The following TOX2 variants were observed in gnomAD, a reference collection of about 807,000 sequenced individuals.
TOX2 encodes the protein TOX high mobility group box family member 2.
TOX2 carries 15 observed loss-of-function variants against 47.4 expected under a neutral mutation model. The ratio of observed to expected loss-of-function variants is 0.32; its 90% confidence interval spans 0.21 to 0.49. TOX2 has a LOEUF of 0.49. Among genes scored for constraint, TOX2 ranks in the 20% least tolerant of loss-of-function variants. The probability of loss-of-function intolerance (pLI) is 0.99; values close to 1 mark genes in which losing one functional copy is unlikely to be tolerated. For missense variants in TOX2, 622 were observed against 673.1 expected (o/e 0.92, Z 0.84); for synonymous variants, 290 against 296.6 (o/e 0.98, Z 0.23).
Position 44,066,750 on chromosome 20 carries a change from G to C in TOX2, c.1377G>C (p.Glu459Asp). The change falls in exon 8 of 9, where the codon GAG (glutamate) becomes GAC (aspartate). Residue 459 changes from glutamate to aspartate, a missense_variant. Glu to Asp is a conservative substitution (Grantham distance 45). Coordinates refer to ENST00000341197, the MANE Select transcript of TOX2 (RefSeq NM_001098797.2). ...PGPQDFPHIS[E>D]FPSSSGSCSP... ...TGTAGGACTTCCCGCACATCTCTGA[G>C]TTCCCCAGCAGCTCGGGATCCTGCT... 1 of 1,614,142 alleles carries C rather than the reference G, an allele frequency of 6.2e-7. No homozygotes were observed. Among genetic ancestry groups the C allele is most frequent in the Non-Finnish European group, 8.5e-7 (1 of 1,180,020 alleles).
chr20:44,012,719 T>A (rs1402664856), intron 3 of TOX2, among the ~76,000 whole-genome samples: 4 of 152,186 alleles, frequency 2.6e-5, no homozygotes, highest in Non-Finnish European at 5.9e-5. Flanking sequence ...ATGGGTAGAA[T>A]TGTTTTGTTA....
chr20:44,025,486 T>C (rs961196779), intron 3 of TOX2, among the ~76,000 whole-genome samples: 4 of 1,054 alleles, frequency 3.8e-3, no homozygotes, highest in African/African-American at 0.019. Context: ...GACAGGTTGC[T>C]GCTCCAGTGA....
intron 1 of TOX2, among the ~76,000 whole-genome samples, chr20:43,960,145 C>T (rs2069734592): frequency 6.6e-6 from 1 of 152,216 alleles, no homozygotes; most frequent in African/African-American, 2.4e-5. Context: ...TTAAGAGTGC[C>T]TGGCTTGTTG....
rs148993603 is a variant in TOX2, at chr20:44,012,223, T to G, written c.411+5431T>G. ...AATTTATTAAGCTGCTTCTGTTAAGTCTGAAATCATTTATTTTGGAGTCGT... is the reference window on the plus strand; with the variant it reads ...AATTTATTAAGCTGCTTCTGTTAAGGCTGAAATCATTTATTTTGGAGTCGT... On this transcript the variant is annotated intron_variant, in intron 3 of 8. Coordinates refer to ENST00000341197, the MANE Select transcript of TOX2 (RefSeq NM_001098797.2). Among the ~76,000 whole-genome samples, 3 of 152,336 alleles carry G rather than the reference T, an allele frequency of 2.0e-5. No individual in the cohort carries two copies. In the East Asian group the frequency reaches 5.8e-4, roughly 29 times the overall value.
chr20:44,001,263 T>G (rs80144964), intron 2 of TOX2, among the ~76,000 whole-genome samples: 1,773 of 152,328 alleles, frequency 0.012, 34 homozygotes, highest in African/African-American at 0.04. Flanking sequence ...ACTAGCTATG[T>G]GACACCTCTA....
chr20:43,918,721 G>A (rs1209482356), intron 1 of TOX2, among the ~76,000 whole-genome samples: 1 of 152,060 alleles, frequency 6.6e-6, no homozygotes, highest in Non-Finnish European at 1.5e-5. Flanking sequence ...TAATACAATT[G>A]GTTTATCCAT....
chr20:44,006,865 G>A, intron 3 of TOX2, 73 bp downstream of exon 3: 2 of 1,525,936 alleles, frequency 1.3e-6, no homozygotes, highest in Non-Finnish European at 1.8e-6. Flanking sequence ...GCAGAAGAAT[G>A]TTGATGCTTT....
At chr20:44,063,581 T>G (rs1225119543) in intron 5 of TOX2, among the ~76,000 whole-genome samples, 2 of 152,190 alleles carry the variant, frequency 1.3e-5, no homozygotes, top group Non-Finnish European at 2.9e-5. Context: ...ATCTACTGTT[T>G]GACCCAGCAA....
At chr20:43,928,573 A>C (rs2069207917) in intron 1 of TOX2, among the ~76,000 whole-genome samples, 2 of 152,260 alleles carry the variant, frequency 1.3e-5, no homozygotes, top group South Asian at 4.1e-4. Flanking sequence ...GCTAACAGCA[A>C]GTCACGGCCT....
At chr20:43,991,116 T>C (rs1417436578) in intron 2 of TOX2, among the ~76,000 whole-genome samples, 1 of 152,176 alleles carries the variant, frequency 6.6e-6, no homozygotes, top group Non-Finnish European at 1.5e-5. Context: ...TTGGTGTAAC[T>C]GAGGCCCAGA....
intron 3 of TOX2, among the ~76,000 whole-genome samples, chr20:44,015,534 C>T (rs994044903): frequency 6.6e-6 from 1 of 152,158 alleles, no homozygotes; most frequent in African/African-American, 2.4e-5. Flanking sequence ...CTAATAAAAG[C>T]TGCTATTAAT....
chr20:43,953,524 T>C (rs547452863), intron 1 of TOX2, among the ~76,000 whole-genome samples: 20 of 152,314 alleles, frequency 1.3e-4, no homozygotes, highest in African/African-American at 4.3e-4. Context: ...TCTCATTGCT[T>C]GGGCTGATCC....
intron 1 of TOX2, among the ~76,000 whole-genome samples, chr20:43,934,357 T>C (rs1055087588): frequency 1.3e-5 from 2 of 152,128 alleles, no homozygotes; most frequent in African/African-American, 4.8e-5. Context: ...ACGTTATTTA[T>C]TTAATCTTCA....
intron 3 of TOX2, among the ~76,000 whole-genome samples, chr20:44,023,027 G>A (rs932700291): frequency 6.6e-6 from 1 of 151,266 alleles, no homozygotes; most frequent in Non-Finnish European, 1.5e-5. Flanking sequence ...AAGGCCAGAG[G>A]AGGGGGGAAG....
At chr20:44,068,557 G>T (rs1315002527) in intron 8 of TOX2, 93 bp from the exon 9 acceptor site, 1 of 1,424,784 alleles carries the variant, frequency 7.0e-7, no homozygotes, top group Non-Finnish European at 9.5e-7. Context: ...TGAATCCAGG[G>T]GTGGGGGTGG....
At chr20:43,950,220 TAGC>T (rs1217771102) in intron 1 of TOX2, among the ~76,000 whole-genome samples, 2 of 151,828 alleles carry the variant, frequency 1.3e-5, no homozygotes, top group Admixed American at 6.6e-5. Flanking sequence ...GGAGCAAAAA[TAGC>T]AGCCATCGGG....
intron 3 of TOX2, among the ~76,000 whole-genome samples, chr20:44,011,675 G>A (rs900006731): frequency 1.3e-5 from 2 of 152,250 alleles, no homozygotes; most frequent in African/African-American, 2.4e-5. Flanking sequence ...CAGAGGATGC[G>A]CTGATGGCCA....
chr20:43,979,586 G>A (rs556452398), intron 2 of TOX2, among the ~76,000 whole-genome samples: 1 of 152,230 alleles, frequency 6.6e-6, no homozygotes, highest in South Asian at 2.1e-4. Context: ...TCAACAAAGT[G>A]AAGAGACAGC....
At chr20:44,020,643 G>T (rs2070961021) in intron 3 of TOX2, among the ~76,000 whole-genome samples, 1 of 152,076 alleles carries the variant, frequency 6.6e-6, no homozygotes, top group Non-Finnish European at 1.5e-5. Flanking sequence ...GCATTGCCTG[G>T]GGACCTGTTA....
Sources: allele counts gnomAD v4.1 joint callset (sites outside exome capture counted in the v4.1 genomes callset), GRCh38; gene constraint gnomAD v4.1.1; transcripts MANE v1.5; gene names NCBI Gene and HGNC (gene_info 2026-07-23, HGNC 2026-07-21).